HELLS: variants seen among roughly 807,000 people sequenced by gnomAD.
HELLS encodes helicase, lymphoid specific, also known as lymphoid-specific helicase.
Under a neutral mutation model 120.0 loss-of-function variants are expected in HELLS, and 32 were observed. The ratio of observed to expected loss-of-function variants is 0.27; its 90% confidence interval spans 0.20 to 0.36. HELLS has a LOEUF of 0.36. Ranked by LOEUF, HELLS falls within the 10% of genes least tolerant of loss-of-function variation. HELLS has a pLI of 1.00. For synonymous variants in HELLS, 341 were observed against 323.4 expected (o/e 1.05, Z -0.58); for missense variants, 650 against 993.4 (o/e 0.65, Z 4.65).
chr10:94,591,250 C>T (rs934046640), intron 15 of HELLS, among the ~76,000 whole-genome samples: 1 of 152,178 alleles, frequency 6.6e-6, no homozygotes, highest in African/African-American at 2.4e-5. Context: ...GAGTGGTCAT[C>T]TTTTCACTAT....
intron 10 of HELLS, among the ~76,000 whole-genome samples, chr10:94,580,185 A>ACTT (rs1491523737): frequency 2.7e-4 from 19 of 69,374 alleles, no homozygotes; most frequent in African/African-American, 1.1e-3. Context: ...ACACACACAC[A>ACTT]TTTTTTTTTT....
intron 10 of HELLS, 119 bp downstream of exon 10, chr10:94,576,924 A>G (rs1844519047): frequency 2.3e-6 from 2 of 855,276 alleles, no homozygotes; most frequent in Non-Finnish European, 3.6e-6. Flanking sequence ...GAAATAATAG[A>G]TTATATTGTG....
exon 10 of HELLS, chr10:94,611,096 T>G (rs1047625): frequency 0.17 from 25,558 of 152,180 alleles, 2,318 homozygotes; most frequent in Middle Eastern, 0.24. Context: ...CTCTGAGTAA[T>G]TAGAAGTGTT....
In HELLS at chr10:94,549,606, A is replaced by G. The variant is rs565574200; in HGVS notation, c.153+3108A>G. 4.6e-5 allele frequency among the ~76,000 whole-genome samples: 7 copies of G among 152,206 alleles called. No homozygotes were observed. The South Asian group carries it at 1.5e-3, about 32-fold the overall frequency. ...AGAACTCCTCCCACCCCCCAATAAAAAATCTGGGATTGGTGTTGGGAGAGA... is the reference window on the plus strand; with the variant it reads ...AGAACTCCTCCCACCCCCCAATAAAGAATCTGGGATTGGTGTTGGGAGAGA... On this transcript the variant is annotated intron_variant, in intron 2 of 21. Transcript: ENST00000348459.
chr10:94,561,544 C>T (rs1347176045), intron 4 of HELLS, among the ~76,000 whole-genome samples: 1 of 152,158 alleles, frequency 6.6e-6, no homozygotes. Context: ...TAGCTCACTA[C>T]AGCTTTGAAC....
At chr10:94,569,926 A>G (rs978746485) in intron 6 of HELLS, 1 of 152,280 alleles carries the variant, frequency 6.6e-6, no homozygotes. Context: ...CCCACATTCT[A>G]GACTTTACTG....
chr10:94,550,360 C>T (rs984527854), intron 2 of HELLS, among the ~76,000 whole-genome samples: 1 of 152,024 alleles, frequency 6.6e-6, no homozygotes, highest in Non-Finnish European at 1.5e-5. Context: ...CTCACTGCGA[C>T]CTTCACCTGC....
intron 6 of HELLS, among the ~76,000 whole-genome samples, chr10:94,565,744 G>A (rs1843760542): frequency 6.6e-6 from 1 of 152,164 alleles, no homozygotes; most frequent in African/African-American, 2.4e-5. Flanking sequence ...CAGTCATACA[G>A]CTGTTTATTT....
intron 12 of HELLS, among the ~76,000 whole-genome samples, chr10:94,587,836 A>G (rs1403838890): frequency 6.6e-6 from 1 of 152,064 alleles, no homozygotes; most frequent in Admixed American, 6.6e-5. Flanking sequence ...TACTTTTTGT[A>G]CTCATTATTT....
At chr10:94,608,526 C>T (rs921747738) in intron 9 of HELLS, among the ~76,000 whole-genome samples, 2 of 152,182 alleles carry the variant, frequency 1.3e-5, no homozygotes, top group Non-Finnish European at 2.9e-5. Context: ...TACCACAACT[C>T]ATACAATTAA....
At chr10:94,582,884 A>G in intron 11 of HELLS, 79 bp from the exon 12 acceptor site, 1 of 754,364 alleles carries the variant, frequency 1.3e-6, no homozygotes, top group African/African-American at 1.8e-5. Flanking sequence ...TCAGATTATT[A>G]CTGTAAATGA....
intron 6 of HELLS, among the ~76,000 whole-genome samples, chr10:94,567,034 G>A (rs937740793): frequency 1.3e-5 from 2 of 151,706 alleles, no homozygotes; most frequent in Non-Finnish European, 2.9e-5. Flanking sequence ...TTTCCTCTTC[G>A]CCTAACTAAA....
chr10:94,589,016 G>A (rs181142075), intron 13 of HELLS, among the ~76,000 whole-genome samples: 19 of 152,212 alleles, frequency 1.2e-4, no homozygotes, highest in African/African-American at 3.9e-4. Flanking sequence ...GCGTGGTGGC[G>A]CATGCCTGTA....
chr10:94,545,900 G>A lies in HELLS; in HGVS notation c.-22G>A, dbSNP rs1345694725. On this transcript the variant is annotated 5_prime_UTR_variant, in exon 1 of 22. Transcript: ENST00000348459. ...GCAGGCTCTGAGAGGAGGGGACCCGGTTCCCGGGTGAGTGTCCAGGCATGC... is the reference window on the plus strand; with the variant it reads ...GCAGGCTCTGAGAGGAGGGGACCCGATTCCCGGGTGAGTGTCCAGGCATGC... The A allele has an allele frequency of 6.4e-7, 1 of 1,553,108 alleles. No individual in the cohort carries two copies. The highest frequency in any genetic ancestry group is 8.7e-7 in the Non-Finnish European group (1 of 1,147,658).
At chr10:94,584,154 A>T (rs543533134) in intron 12 of HELLS, 133 of 1,038,648 alleles carry the variant, frequency 1.3e-4, no homozygotes, top group Non-Finnish European at 1.6e-4. Flanking sequence ...TGTTGCAGAG[A>T]TTAAAAAGGA....
chr10:94,554,296 A>G, intron 3 of HELLS, 48 bp downstream of exon 3: 1 of 1,393,528 alleles, frequency 7.2e-7, no homozygotes, highest in South Asian at 1.5e-5. Flanking sequence ...AAAATTTAAA[A>G]ATAGCTTTAT....
downstream of HELLS, among the ~76,000 whole-genome samples, chr10:94,602,749 A>G (rs955142931): frequency 2.0e-5 from 3 of 152,210 alleles, no homozygotes; most frequent in Non-Finnish European, 2.9e-5. Context: ...GGTTACATGG[A>G]TAAGTTCTTT....
chr10:94,565,875 A>G (rs1843770667), intron 6 of HELLS, among the ~76,000 whole-genome samples: 1 of 151,870 alleles, frequency 6.6e-6, no homozygotes, highest in Non-Finnish European at 1.5e-5. Flanking sequence ...AGAGAGATAT[A>G]GGAGTAAGTA....
intron 10 of HELLS, among the ~76,000 whole-genome samples, chr10:94,580,156 TATATATACACAC>T (rs1418880581): frequency 5.3e-4 from 26 of 49,200 alleles, no homozygotes; most frequent in African/African-American, 2.8e-3. Context: ...TATATATATA[TATATATACACAC>T]ACACACACAC....
Sources: gnomAD v4.1 joint callset for allele counts (sites outside exome capture counted in the v4.1 genomes callset) on GRCh38, gnomAD v4.1.1 for gene constraint, MANE v1.5 for transcripts, NCBI Gene and HGNC (gene_info 2026-07-23, HGNC 2026-07-21) for gene names.